PDE1C: variants seen among roughly 807,000 people sequenced by gnomAD.
PDE1C encodes dual specificity calcium/calmodulin-dependent 3',5'-cyclic nucleotide phosphodiesterase 1C.
A neutral mutation model predicts 93.1 loss-of-function variants in PDE1C; 62 were observed. The observed-to-expected ratio is 0.67, with a 90% CI of 0.54 to 0.82. The LOEUF is 0.82. PDE1C is among the 40% of genes least tolerant of loss of function. The probability of loss-of-function intolerance (pLI) is 0.00; values close to 1 mark genes in which losing one functional copy is unlikely to be tolerated. For missense variants in PDE1C, 742 were observed against 884.6 expected, an observed-to-expected ratio of 0.84 and a Z score of 2.04; for synonymous variants, 325 against 310.1, an observed-to-expected ratio of 1.05 and a Z score of -0.50.
chr7:31,638,931 C>A, the PDE1C span, among the ~76,000 whole-genome samples: 1 of 152,048 alleles, frequency 6.6e-6, no homozygotes, highest in African/African-American at 2.4e-5. Context: ...CACCTGCCAC[C>A]ACACCCGCTA....
chr7:32,125,619 C>A (rs1481691667), intron 3 of PDE1C, among the ~76,000 whole-genome samples: 4 of 151,938 alleles, frequency 2.6e-5, no homozygotes, highest in Admixed American at 2.6e-4. Context: ...AACACAGGAA[C>A]AGAAAACCAA....
rs144054695 is a variant in PDE1C at position 32,273,350 on chromosome 7, AAG to A, written c.85+25299_85+25300del. 1.6e-3 allele frequency among the ~76,000 whole-genome samples: 237 copies of A among 152,346 alleles called. 1 individual carries two copies. The highest frequency in any genetic ancestry group is 5.2e-3 in the African/African-American group (218 of 41,580). On this transcript the variant is annotated intron_variant, in intron 1 of 18. Transcript: ENST00000396193. ...AGATGTCCATTAAAATGAATTGAAA[AAG>A]TCTTGGTCCTGTGCTTTGAGCAAAT...
chr7:32,162,827 C>T (rs1356317552), intron 3 of PDE1C, among the ~76,000 whole-genome samples: 1 of 152,080 alleles, frequency 6.6e-6, no homozygotes, highest in Non-Finnish European at 1.5e-5. Flanking sequence ...CTCATGGCCA[C>T]CACAGAGATA....
chr7:32,224,652 C>A (rs1323264855), intron 1 of PDE1C, among the ~76,000 whole-genome samples: 1 of 152,104 alleles, frequency 6.6e-6, no homozygotes, highest in Non-Finnish European at 1.5e-5. Flanking sequence ...AGAGACACTT[C>A]CTTAACATTG....
chr7:32,133,246 C>A (rs927290353), intron 3 of PDE1C, among the ~76,000 whole-genome samples: 2 of 152,024 alleles, frequency 1.3e-5, no homozygotes, highest in African/African-American at 4.8e-5. Flanking sequence ...ACAAAGTGAT[C>A]CTTAGCAAAC....
chr7:31,783,660 A>T (rs1014745387), intron 16 of PDE1C: 13 of 152,056 alleles, frequency 8.5e-5, no homozygotes, highest in Admixed American at 3.3e-4. Context: ...TACAATAAAC[A>T]CATCATTAAT....
chr7:31,807,527 A>T (rs553376646), intron 16 of PDE1C, among the ~76,000 whole-genome samples: 15 of 152,088 alleles, frequency 9.9e-5, no homozygotes, highest in African/African-American at 3.4e-4. Flanking sequence ...ACATGACATC[A>T]TTATAGCAGA....
chr7:32,407,082 TG>T (rs1387096646), intron 1 of PDE1C, among the ~76,000 whole-genome samples: 1 of 152,158 alleles, frequency 6.6e-6, no homozygotes, highest in Non-Finnish European at 1.5e-5. Context: ...GAGACCAGCC[TG>T]GCCAACATGG....
At chr7:31,699,634 A>G in the PDE1C span, among the ~76,000 whole-genome samples, 1 of 151,430 alleles carries the variant, frequency 6.6e-6, no homozygotes, top group African/African-American at 2.4e-5. Flanking sequence ...CTTTTCAGAT[A>G]TTGGTGGTTT....
chr7:31,823,592 T>C (rs1335019491), intron 13 of PDE1C, among the ~76,000 whole-genome samples: 2 of 152,102 alleles, frequency 1.3e-5, no homozygotes, highest in Non-Finnish European at 1.5e-5. Context: ...GACATCTACT[T>C]AATTCCACAG....
At chr7:32,253,223 G>T (rs1015149972) in intron 1 of PDE1C, among the ~76,000 whole-genome samples, 7 of 152,220 alleles carry the variant, frequency 4.6e-5, no homozygotes, top group Non-Finnish European at 1.0e-4. Context: ...GTCATCCCCA[G>T]AAGTAGAATT....
intron 6 of PDE1C, among the ~76,000 whole-genome samples, chr7:31,867,408 T>A (rs1314190452): frequency 6.6e-6 from 1 of 152,060 alleles, no homozygotes; most frequent in Non-Finnish European, 1.5e-5. Flanking sequence ...ACACACCATC[T>A]GGGGGCCTGA....
rs1035810692 is a variant in PDE1C, at chr7:32,425,967, G to A, written c.310+1855C>T. On this transcript the variant is annotated intron_variant, in intron 1 of 1. Coordinates refer to the PDE1C transcript ENST00000672256. ...CAAAAAAAAAGAAAGAGGAAGGAAGGAAGGAAGGAGAAAAAATGTGGTAAT... is the reference window on the plus strand; with the variant it reads ...CAAAAAAAAAGAAAGAGGAAGGAAGAAAGGAAGGAGAAAAAATGTGGTAAT... 3.9e-5 allele frequency among the ~76,000 whole-genome samples: 6 copies of A among 151,964 alleles called. No homozygotes were observed. In the East Asian group the frequency reaches 1.2e-3, roughly 29 times the overall value.
At chr7:31,645,006 T>G in the PDE1C span, among the ~76,000 whole-genome samples, 4 of 152,194 alleles carry the variant, frequency 2.6e-5, no homozygotes, top group African/African-American at 9.7e-5. Context: ...ATCCATTCCA[T>G]AAATATTTGT....
At chr7:31,869,091 T>C (rs1372769320) in intron 6 of PDE1C, among the ~76,000 whole-genome samples, 3 of 151,674 alleles carry the variant, frequency 2.0e-5, no homozygotes, top group Non-Finnish European at 4.4e-5. Context: ...ATCATGAAAA[T>C]GCAAAAGGAA....
rs568424296 is a variant in PDE1C, at chr7:32,043,958, A to G, written c.128+7596T>C. ...TTACCCAGAGTTCCACCTAGTAACT[A>G]TGACGTTAGTTCTGACCCATGATAG... is the stretch of plus-strand genomic sequence containing the variant. On this transcript the variant is annotated intron_variant, in intron 2 of 17. Coordinates refer to ENST00000396191, the MANE Select transcript of PDE1C (RefSeq NM_001191057.4). 2.6e-5 allele frequency among the ~76,000 whole-genome samples: 4 copies of G among 152,334 alleles called. No individual in the cohort carries two copies. The South Asian group carries it at 8.3e-4, about 32-fold the overall frequency.
chr7:32,297,631 C>T (rs1164430366), intron 1 of PDE1C, among the ~76,000 whole-genome samples: 1 of 152,162 alleles, frequency 6.6e-6, no homozygotes, highest in Non-Finnish European at 1.5e-5. Flanking sequence ...TCCAGAGGGT[C>T]AACCCTGTGG....
chr7:31,866,185 T>C (rs961942869), intron 6 of PDE1C, among the ~76,000 whole-genome samples: 10 of 152,248 alleles, frequency 6.6e-5, no homozygotes, highest in Middle Eastern at 3.4e-3. Context: ...TATGTCTTCC[T>C]GAGGATTAAC....
intron 2 of PDE1C, among the ~76,000 whole-genome samples, chr7:32,000,995 T>TGC (rs746719495): frequency 1.4e-5 from 2 of 146,854 alleles, no homozygotes; most frequent in Admixed American, 6.8e-5. Context: ...TGTGTATACG[T>TGC]GTGTGTGTGT....
Sources: allele counts gnomAD v4.1 joint callset (sites outside exome capture counted in the v4.1 genomes callset), GRCh38; gene constraint gnomAD v4.1.1; transcripts MANE v1.5; gene names NCBI Gene and HGNC (gene_info 2026-07-23, HGNC 2026-07-21).